Variants in BIN3 observed in about 807,000 individuals in gnomAD.
BIN3 encodes the protein bridging integrator 3.
In BIN3, 41 loss-of-function variants were observed where a neutral mutation model predicts 38.2. The observed-to-expected ratio is 1.07, with a 90% CI of 0.84 to 1.39. The LOEUF is 1.39. Among genes scored for constraint, BIN3 ranks in the 40% most tolerant of loss-of-function variants. The pLI is 0.00. For missense variants in BIN3, 361 were observed against 324.3 expected (o/e 1.11, Z -0.87); for synonymous variants, 145 against 122.6 (o/e 1.18, Z -1.21).
At chr8:22,640,529 A>C (rs1802515255) in intron 2 of BIN3, among the ~76,000 whole-genome samples, 1 of 152,180 alleles carries the variant, frequency 6.6e-6, no homozygotes, top group Non-Finnish European at 1.5e-5. Context: ...ACAGCTGAGC[A>C]GCATCTTTAC....
intron 2 of BIN3, among the ~76,000 whole-genome samples, chr8:22,638,319 G>A (rs1010467805): frequency 1.3e-5 from 2 of 152,200 alleles, no homozygotes; most frequent in East Asian, 1.9e-4. Flanking sequence ...TACAAATGAG[G>A]AGCCCGAAGC....
intron 1 of BIN3, among the ~76,000 whole-genome samples, chr8:22,656,076 C>T (rs545382635): frequency 1.3e-5 from 2 of 152,182 alleles, no homozygotes; most frequent in African/African-American, 2.4e-5. Context: ...GCTCTCACCC[C>T]CACACCTAAA....
At chr8:22,666,375 G>C (rs1162532657) in intron 1 of BIN3, among the ~76,000 whole-genome samples, 1 of 133,122 alleles carries the variant, frequency 7.5e-6, no homozygotes, top group Non-Finnish European at 1.6e-5. Context: ...AGGAGAGAAA[G>C]TTGGGAGGGG....
chr8:22,624,165 A>G (rs1801933500), intron 7 of BIN3, 57 bp downstream of exon 7: 2 of 1,594,156 alleles, frequency 1.3e-6, no homozygotes, highest in Non-Finnish European at 1.7e-6. Context: ...GGGACTTACC[A>G]CAGGTGACCA....
rs780938458 is a variant in BIN3 at position 22,624,203 on chromosome 8, C to A, written c.480+19G>T. 9 of 1,610,596 alleles carry A rather than the reference C, an allele frequency of 5.6e-6. No homozygotes were observed. The African/African-American group carries it at 1.2e-4, about 21-fold the overall frequency. On this transcript the variant is annotated intron_variant, in intron 7 of 8. Transcript: ENST00000276416. Reference sequence around the variant, plus strand: ...ATGGCCCACCTGTCTAGCCCCTGCCCACCTGTCTCCCCTGGTACCTGGTGG... The same window carrying A: ...ATGGCCCACCTGTCTAGCCCCTGCCAACCTGTCTCCCCTGGTACCTGGTGG...
chr8:22,657,172 G>T (rs111691726), intron 1 of BIN3, among the ~76,000 whole-genome samples: 4 of 152,326 alleles, frequency 2.6e-5, no homozygotes, highest in African/African-American at 9.6e-5. Context: ...TGTGCACATA[G>T]TAAGCACCGG....
At position 22,624,288 on chromosome 8, in the gene BIN3, C is replaced by T; in HGVS notation, c.414G>A (p.Leu138=). ...REQALQDYRR[L]QAKVEKYEEK... ...CCTCATACTTCTCCACCTTGGCCTG[C>T]AGCCTCCTGTAGTCCTGCAAGGCCT... Residue 138 remains leucine (L), a synonymous_variant, in exon 7 of 9, where the codon CTG becomes CTA. Transcript: ENST00000276416. 1 of 1,613,974 alleles carries T rather than the reference C, an allele frequency of 6.2e-7. No individual in the cohort carries two copies. The highest frequency in any genetic ancestry group is 8.5e-7 in the Non-Finnish European group (1 of 1,179,884).
chr8:22,659,648 G>C (rs1370128641), intron 1 of BIN3, among the ~76,000 whole-genome samples: 1 of 152,234 alleles, frequency 6.6e-6, no homozygotes, highest in Non-Finnish European at 1.5e-5. Flanking sequence ...CTTCACAGGA[G>C]AAACAGCGCA....
At chr8:22,640,035 T>G (rs537410429) in intron 2 of BIN3, among the ~76,000 whole-genome samples, 71 of 151,680 alleles carry the variant, frequency 4.7e-4, no homozygotes, top group Admixed American at 4.5e-3. Context: ...CTAATTTTCG[T>G]GTTTTTAGTA....
intron 1 of BIN3, 70 bp from the exon 2 acceptor site, chr8:22,644,873 AG>A (rs1405794816): frequency 7.3e-7 from 1 of 1,379,068 alleles, no homozygotes; most frequent in Non-Finnish European, 1.0e-6. Flanking sequence ...GTATCAGTAC[AG>A]TACAGGCCAC....
At chr8:22,639,562 A>G (rs1033926963) in intron 2 of BIN3, among the ~76,000 whole-genome samples, 2 of 152,120 alleles carry the variant, frequency 1.3e-5, no homozygotes, top group African/African-American at 4.8e-5. Context: ...GAAATAGCTG[A>G]TATCATCTAC....
At chr8:22,648,017 C>T (rs2117565978) in intron 1 of BIN3, among the ~76,000 whole-genome samples, 1 of 151,892 alleles carries the variant, frequency 6.6e-6, no homozygotes, top group East Asian at 1.9e-4. Flanking sequence ...CACCTGTAGT[C>T]CCAGCTACTC....
chr8:22,630,516 C>CT lies in BIN3; in HGVS notation c.222dup (p.Asp75ArgfsTer72). ...GTCACCATGTTCAGAAGGTCCTGGT[C>CT]TTGCTCACAGAGGGGATTGGAGAGT... is the stretch of plus-strand genomic sequence containing the variant. On this transcript the variant is annotated frameshift_variant, in exon 5 of 9. Transcript: ENST00000276416. LOFTEE classifies it high-confidence loss of function. The CT allele has an allele frequency of 6.2e-7, 1 of 1,614,044 alleles. No homozygotes were observed. The highest frequency in any genetic ancestry group is 8.5e-7 in the Non-Finnish European group (1 of 1,179,898).
intron 1 of BIN3, among the ~76,000 whole-genome samples, chr8:22,662,240 G>A (rs1803260655): frequency 6.6e-6 from 1 of 152,234 alleles, no homozygotes; most frequent in African/African-American, 2.4e-5. Flanking sequence ...GTAGGGGACA[G>A]CCACTGTTCC....
At chr8:22,636,136 T>C (rs910298165) in intron 4 of BIN3, among the ~76,000 whole-genome samples, 2 of 152,232 alleles carry the variant, frequency 1.3e-5, no homozygotes, top group Admixed American at 6.5e-5. Context: ...TTGTTGCCAC[T>C]GGAGCGCCTG....
intron 1 of BIN3, among the ~76,000 whole-genome samples, chr8:22,649,698 A>C (rs1261566603): frequency 6.6e-6 from 1 of 151,986 alleles, no homozygotes. Flanking sequence ...CAAATAAACC[A>C]AAAACAAAAA....
chr8:22,667,598 A>T (rs1803463006), intron 1 of BIN3, among the ~76,000 whole-genome samples: 1 of 149,458 alleles, frequency 6.7e-6, no homozygotes, highest in South Asian at 2.1e-4. Flanking sequence ...TGGGAAAGGG[A>T]ACTGAAGAAT....
At chr8:22,636,349 C>T (rs1480820380) in intron 4 of BIN3, among the ~76,000 whole-genome samples, 176 bp downstream of exon 4, 1 of 152,214 alleles carries the variant, frequency 6.6e-6, no homozygotes, top group African/African-American at 2.4e-5. Context: ...AGTGCGAGCT[C>T]TGTGCAAAGT....
intron 1 of BIN3, among the ~76,000 whole-genome samples, chr8:22,663,689 C>T (rs548184407): frequency 2.0e-5 from 3 of 152,304 alleles, no homozygotes; most frequent in Admixed American, 2.0e-4. Flanking sequence ...CTCCCCAATG[C>T]AGCCTCTACC....
Sources: gnomAD v4.1 joint callset for allele counts (sites outside exome capture counted in the v4.1 genomes callset) on GRCh38, gnomAD v4.1.1 for gene constraint, MANE v1.5 for transcripts, NCBI Gene and HGNC (gene_info 2026-07-23, HGNC 2026-07-21) for gene names.